The following SPAG16 variants were observed in gnomAD, a reference collection of about 807,000 sequenced individuals.
SPAG16 encodes the protein sperm associated antigen 16, also known as sperm-associated antigen 16 protein.
In SPAG16, 86 loss-of-function variants were observed where a neutral mutation model predicts 80.4. The ratio of observed to expected loss-of-function variants is 1.07; its 90% CI spans 0.90 to 1.28. The LOEUF (loss-of-function observed/expected upper bound fraction) is 1.28, where lower values mean the gene tolerates loss of function less well. Ranked by LOEUF, SPAG16 falls within the 50% of genes most tolerant of loss-of-function variation. SPAG16 has a pLI of 0.00. For missense variants in SPAG16, 870 were observed against 765.3 expected (o/e 1.14, Z -1.61); for synonymous variants, 294 against 265.9 (o/e 1.11, Z -1.03).
chr2:214,088,691 T>C (rs1398746162), intron 13 of SPAG16, among the ~76,000 whole-genome samples: 1 of 151,930 alleles, frequency 6.6e-6, no homozygotes, highest in Non-Finnish European at 1.5e-5. Flanking sequence ...AATAGAACCA[T>C]ACCCTGGGGA....
chr2:214,119,896 T>A (rs761088707), intron 14 of SPAG16, among the ~76,000 whole-genome samples: 1 of 152,042 alleles, frequency 6.6e-6, no homozygotes, highest in Non-Finnish European at 1.5e-5. Flanking sequence ...CTGATGAGAA[T>A]CAACTATAAA....
intron 5 of SPAG16, 64 bp downstream of exon 5, chr2:213,317,420 A>C: frequency 6.5e-7 from 1 of 1,527,124 alleles, no homozygotes; most frequent in Non-Finnish European, 8.8e-7. Context: ...GAGTTGAGTG[A>C]AGCTGATATA....
chr2:213,350,794 A>G, intron 7 of SPAG16, 149 bp downstream of exon 7: 1 of 547,984 alleles, frequency 1.8e-6, no homozygotes, highest in Non-Finnish European at 3.2e-6. Flanking sequence ...AAACATTCAG[A>G]AAAAGTATTT....
intron 10 of SPAG16, among the ~76,000 whole-genome samples, chr2:213,592,505 AAT>A (rs1332672356): frequency 6.6e-6 from 1 of 152,202 alleles, no homozygotes; most frequent in Non-Finnish European, 1.5e-5. Context: ...TTTAAAACTA[AAT>A]ATATATGTTT....
At chr2:213,656,315 C>T (rs1301685549) in intron 10 of SPAG16, among the ~76,000 whole-genome samples, 3 of 152,194 alleles carry the variant, frequency 2.0e-5, no homozygotes, top group South Asian at 2.1e-4. Flanking sequence ...GGACTGCAGG[C>T]GCCTGCCACC....
intron 15 of SPAG16, among the ~76,000 whole-genome samples, chr2:214,318,830 C>T (rs1695878268): frequency 6.6e-6 from 1 of 152,108 alleles, no homozygotes; most frequent in South Asian, 2.1e-4. Context: ...TAACTTGGCT[C>T]TAGCCGACAG....
intron 6 of SPAG16, among the ~76,000 whole-genome samples, chr2:213,349,855 G>A (rs1004406807): frequency 1.4e-4 from 22 of 152,150 alleles, no homozygotes; most frequent in Non-Finnish European, 3.2e-4. Context: ...TTTCTGGGGT[G>A]TTAGACATGC....
At chr2:213,887,549 G>T (rs2042789) in intron 11 of SPAG16, among the ~76,000 whole-genome samples, 89,521 of 150,880 alleles carry the variant, frequency 0.59, 28,379 homozygotes, top group South Asian at 0.85. Flanking sequence ...ACTACTAAAT[G>T]TTTTCATAAT....
chr2:213,554,449 A>G (rs892814599), intron 10 of SPAG16, among the ~76,000 whole-genome samples: 8 of 152,202 alleles, frequency 5.3e-5, no homozygotes, highest in African/African-American at 1.9e-4. Context: ...TGTAAAAGCA[A>G]CAAGAAACAT....
intron 9 of SPAG16, among the ~76,000 whole-genome samples, chr2:213,421,154 G>A (rs781394767): frequency 7.2e-5 from 11 of 152,100 alleles, no homozygotes; most frequent in Non-Finnish European, 1.0e-4. Context: ...ATACTCTCGG[G>A]GTCCCAGGAA....
At chr2:213,776,489 TGGAAGA>T (rs1324153630) in intron 10 of SPAG16, among the ~76,000 whole-genome samples, 7 of 152,188 alleles carry the variant, frequency 4.6e-5, no homozygotes, top group African/African-American at 1.2e-4. Context: ...TCTATAGAAG[TGGAAGA>T]TAACAAATCT....
intron 13 of SPAG16, among the ~76,000 whole-genome samples, chr2:214,042,134 G>C (rs1485834841): frequency 6.8e-6 from 1 of 147,580 alleles, no homozygotes; most frequent in East Asian, 2.0e-4. Flanking sequence ...TGCCCAGACT[G>C]AAGTGCAGTG....
chr2:213,300,093 T>C (rs529088551), intron 3 of SPAG16, among the ~76,000 whole-genome samples: 1 of 152,322 alleles, frequency 6.6e-6, no homozygotes, highest in East Asian at 1.9e-4. Context: ...AGGTACAATC[T>C]CAGAGGTCTT....
At chr2:214,145,021 G>A (rs1379241176) in intron 14 of SPAG16, among the ~76,000 whole-genome samples, 2 of 151,920 alleles carry the variant, frequency 1.3e-5, no homozygotes, top group Non-Finnish European at 2.9e-5. Context: ...TTAGGATAAT[G>A]CCCAAGTTTG....
chr2:213,619,568 A>G (rs530082973), intron 10 of SPAG16, among the ~76,000 whole-genome samples: 12 of 152,324 alleles, frequency 7.9e-5, no homozygotes, highest in Admixed American at 3.9e-4. Flanking sequence ...AATGATCAAC[A>G]TCACTAATCA....
intron 15 of SPAG16, among the ~76,000 whole-genome samples, chr2:214,257,196 A>G (rs1690752038): frequency 1.3e-5 from 2 of 151,888 alleles, no homozygotes; most frequent in Admixed American, 1.3e-4. Context: ...AACTGCTGCT[A>G]GTATAAAAAA....
chr2:213,682,510 A>T (rs1488927811), intron 10 of SPAG16, among the ~76,000 whole-genome samples: 1 of 152,366 alleles, frequency 6.6e-6, no homozygotes, highest in East Asian at 1.9e-4. Flanking sequence ...TGAGAGGGGC[A>T]TCTGGCCAAT....
At chr2:213,896,888 G>C (rs943017307) in intron 11 of SPAG16, among the ~76,000 whole-genome samples, 1 of 151,966 alleles carries the variant, frequency 6.6e-6, no homozygotes, top group Non-Finnish European at 1.5e-5. Flanking sequence ...AAAGGGAGTA[G>C]ATTGGTCATT....
At chr2:213,524,440 C>G (rs991111837) in intron 10 of SPAG16, among the ~76,000 whole-genome samples, 30 of 152,286 alleles carry the variant, frequency 2.0e-4, no homozygotes, top group Non-Finnish European at 3.2e-4. Context: ...CCACCATCCT[C>G]TAGACTGCAG....
Sources: allele counts gnomAD v4.1 joint callset (sites outside exome capture counted in the v4.1 genomes callset), GRCh38; gene constraint gnomAD v4.1.1; transcripts MANE v1.5; gene names NCBI Gene and HGNC (gene_info 2026-07-23, HGNC 2026-07-21).